Variants in TBC1D19 observed in about 807,000 individuals in gnomAD.
TBC1D19 encodes TBC1 domain family, member 19.
TBC1D19 carries 60 observed loss-of-function variants against 89.0 expected under a neutral mutation model. The observed-to-expected ratio is 0.67, with a 90% CI of 0.55 to 0.84. TBC1D19 has a LOEUF of 0.84. Among genes scored for constraint, TBC1D19 ranks in the 40% least tolerant of loss-of-function variants. TBC1D19 has a pLI of 0.00. For missense variants in TBC1D19, 500 were observed against 610.8 expected, an observed-to-expected ratio of 0.82 and a Z score of 1.91; for synonymous variants, 189 against 199.7, an observed-to-expected ratio of 0.95 and a Z score of 0.45.
chr4:26,580,853 C>T (rs566308368), upstream of TBC1D19, among the ~76,000 whole-genome samples: 2 of 152,282 alleles, frequency 1.3e-5, no homozygotes, highest in Non-Finnish European at 2.9e-5. Context: ...CACAACCTTG[C>T]CATGTGATAC....
At chr4:26,630,654 G>T (rs763747773) in intron 4 of TBC1D19, among the ~76,000 whole-genome samples, 1 of 151,918 alleles carries the variant, frequency 6.6e-6, no homozygotes, top group African/African-American at 2.4e-5. Context: ...ATCTCCTTTT[G>T]CTCCAGGACT....
chr4:26,748,299 C>A (rs751520308), intron 18 of TBC1D19, 112 bp from the exon 19 acceptor site: 13 of 710,584 alleles, frequency 1.8e-5, no homozygotes, highest in Non-Finnish European at 2.9e-5. Context: ...GTTTTAAATG[C>A]CCAGGTGATT....
the TBC1D19 span, among the ~76,000 whole-genome samples, chr4:26,807,736 A>G: frequency 6.6e-6 from 1 of 152,152 alleles, no homozygotes; most frequent in Non-Finnish European, 1.5e-5. Context: ...GTCACCCCCT[A>G]CATTCTCTAG....
chr4:26,721,576 A>G (rs1716978282), intron 15 of TBC1D19, among the ~76,000 whole-genome samples: 1 of 152,070 alleles, frequency 6.6e-6, no homozygotes, highest in African/African-American at 2.4e-5. Context: ...TGTCTTTTAC[A>G]CTGCTCATTT....
chr4:26,811,366 G>C, the TBC1D19 span, among the ~76,000 whole-genome samples: 1 of 152,228 alleles, frequency 6.6e-6, no homozygotes, highest in Admixed American at 6.5e-5. Flanking sequence ...GGAGTGCTGG[G>C]TGTTGTGGGT....
At chr4:26,792,429 A>T in the TBC1D19 span, among the ~76,000 whole-genome samples, 259 of 152,300 alleles carry the variant, frequency 1.7e-3, 2 homozygotes, top group African/African-American at 5.9e-3. Context: ...ATAGGATGAG[A>T]AGAAATGGCA....
At chr4:26,741,758 A>C (rs1718391093) in intron 17 of TBC1D19, among the ~76,000 whole-genome samples, 1 of 152,172 alleles carries the variant, frequency 6.6e-6, no homozygotes, top group Non-Finnish European at 1.5e-5. Context: ...AGAGGATTAA[A>C]ACTTCCTTAC....
chr4:26,644,437 C>G (rs1016799500), intron 7 of TBC1D19, among the ~76,000 whole-genome samples: 1 of 152,116 alleles, frequency 6.6e-6, no homozygotes, highest in Non-Finnish European at 1.5e-5. Flanking sequence ...ATAATAAGAG[C>G]TATTTATGAC....
the TBC1D19 span, among the ~76,000 whole-genome samples, chr4:26,793,135 G>C: frequency 2.0e-5 from 3 of 152,246 alleles, no homozygotes; most frequent in African/African-American, 7.2e-5. Context: ...CCAAGGGATG[G>C]GCACTTCCAA....
chr4:26,655,577 G>A (rs371248248), intron 7 of TBC1D19, among the ~76,000 whole-genome samples: 4 of 152,170 alleles, frequency 2.6e-5, no homozygotes, highest in East Asian at 1.9e-4. Context: ...AATGGCACGC[G>A]CCCCTCTCCC....
At chr4:26,726,393 A>G (rs1717324454) in intron 15 of TBC1D19, among the ~76,000 whole-genome samples, 1 of 152,240 alleles carries the variant, frequency 6.6e-6, no homozygotes. Context: ...TATTAATTAA[A>G]TAAATTTAAA....
chr4:26,705,045 C>T (rs1715634019), intron 13 of TBC1D19, among the ~76,000 whole-genome samples: 1 of 151,988 alleles, frequency 6.6e-6, no homozygotes, highest in Admixed American at 6.6e-5. Context: ...TTCTTGTGCT[C>T]ATTAACCATT....
the TBC1D19 span, among the ~76,000 whole-genome samples, chr4:26,831,840 C>G: frequency 6.6e-6 from 1 of 152,072 alleles, no homozygotes; most frequent in Non-Finnish European, 1.5e-5. Flanking sequence ...ATCTGCCCAC[C>G]TCGGCAGATC....
chr4:26,838,170 C>T, the TBC1D19 span, among the ~76,000 whole-genome samples: 1 of 152,108 alleles, frequency 6.6e-6, no homozygotes, highest in East Asian at 1.9e-4. Context: ...CTCCTCATAC[C>T]CTCAGCCTAC....
intron 4 of TBC1D19, among the ~76,000 whole-genome samples, chr4:26,635,453 T>G (rs1743063456): frequency 6.6e-6 from 1 of 152,148 alleles, no homozygotes; most frequent in South Asian, 2.1e-4. Flanking sequence ...AGAATTAAAA[T>G]AAGCCAATAA....
intron 12 of TBC1D19, among the ~76,000 whole-genome samples, chr4:26,684,940 T>C (rs1271627866): frequency 6.6e-6 from 1 of 152,192 alleles, no homozygotes; most frequent in East Asian, 1.9e-4. Flanking sequence ...TGTATTGTTT[T>C]TCTGCGGAAA....
At chr4:26,786,876 C>A in the TBC1D19 span, among the ~76,000 whole-genome samples, 1 of 152,106 alleles carries the variant, frequency 6.6e-6, no homozygotes, top group Non-Finnish European at 1.5e-5. Context: ...TGCATGAGTG[C>A]AGCAGCATTA....
intron 7 of TBC1D19, among the ~76,000 whole-genome samples, chr4:26,656,612 G>A (rs561579157): frequency 6.6e-6 from 1 of 151,402 alleles, no homozygotes; most frequent in East Asian, 1.9e-4. Flanking sequence ...AGGCTGGAGT[G>A]CAGTGGCACA....
At chr4:26,815,035 A>G in the TBC1D19 span, among the ~76,000 whole-genome samples, 155 of 151,798 alleles carry the variant, frequency 1.0e-3, no homozygotes, top group South Asian at 1.5e-3. Context: ...AAAAAAAAAA[A>G]CCAAATAAAT....
Sources: allele counts gnomAD v4.1 joint callset (sites outside exome capture counted in the v4.1 genomes callset), GRCh38; gene constraint gnomAD v4.1.1; transcripts MANE v1.5; gene names NCBI Gene and HGNC (gene_info 2026-07-23, HGNC 2026-07-21).